CDYL2: variants seen among roughly 807,000 people sequenced by gnomAD.
CDYL2 encodes the protein chromodomain Y-like protein 2.
In CDYL2, 23 loss-of-function variants were observed where a neutral mutation model predicts 49.4. The observed-to-expected ratio is 0.47, with a 90% CI of 0.34 to 0.66. The LOEUF (loss-of-function observed/expected upper bound fraction) is 0.66. Ranked by LOEUF, CDYL2 falls within the 30% of genes least tolerant of loss-of-function variation. CDYL2 has a pLI of 0.01. For synonymous variants in CDYL2, 360 were observed against 268.8 expected, an observed-to-expected ratio of 1.34 and a Z score of -3.32; for missense variants, 678 against 656.4, an observed-to-expected ratio of 1.03 and a Z score of -0.36.
intron 3 of CDYL2, among the ~76,000 whole-genome samples, chr16:80,626,615 GC>G (rs1429004943): frequency 6.6e-6 from 1 of 152,222 alleles, no homozygotes; most frequent in Non-Finnish European, 1.5e-5. Flanking sequence ...TAAAACAAGA[GC>G]AGAAAGTACA....
rs1295110251 is a variant in CDYL2, at chr16:80,612,677, C to T, written c.1167G>A (p.Thr389=). Residue 389 remains threonine (T), a synonymous_variant, in exon 5 of 7, where the codon ACG becomes ACA. Coordinates refer to ENST00000570137, the MANE Select transcript of CDYL2 (RefSeq NM_152342.4). This position sits in a 1 kb window ranked among gnomAD's most constrained non-coding sequence, Gnocchi z 5.0. ...FQTPYATIRL[T]PAGCSSYTFP... Reference sequence around the variant, plus strand: ...AGGTGTAGGAGGAGCAGCCAGCAGGCGTGAGGCGGATGGTGGCGTAGGGCG... The same window carrying T: ...AGGTGTAGGAGGAGCAGCCAGCAGGTGTGAGGCGGATGGTGGCGTAGGGCG... The T allele has an allele frequency of 8.7e-6, 14 of 1,612,932 alleles. No individual in the cohort carries two copies. The highest frequency in any genetic ancestry group is 1.8e-4 in the Middle Eastern group (1 of 5,434).
chr16:80,681,331 C>T (rs769103153), intron 2 of CDYL2, among the ~76,000 whole-genome samples: 4 of 151,978 alleles, frequency 2.6e-5, no homozygotes, highest in African/African-American at 9.7e-5. Flanking sequence ...ATCCTTTAGT[C>T]CAGATAAGGG....
chr16:80,743,435 C>T (rs1166981549), intron 1 of CDYL2, among the ~76,000 whole-genome samples: 1 of 152,200 alleles, frequency 6.6e-6, no homozygotes, highest in African/African-American at 2.4e-5. Context: ...AAAAGCCCCA[C>T]AGCTGTCTGC....
At chr16:80,767,177 T>C (rs1274843265) in intron 1 of CDYL2, among the ~76,000 whole-genome samples, 1 of 152,094 alleles carries the variant, frequency 6.6e-6, no homozygotes, top group Non-Finnish European at 1.5e-5. Flanking sequence ...TACTAGAACT[T>C]TTCCCCAACT....
At chr16:80,727,639 G>A (rs1905207516) in intron 1 of CDYL2, among the ~76,000 whole-genome samples, 1 of 152,186 alleles carries the variant, frequency 6.6e-6, no homozygotes, top group Non-Finnish European at 1.5e-5. Context: ...TCCACCTCTG[G>A]GGGCAGGGCA....
At chr16:80,698,677 T>G (rs1904286574) in intron 1 of CDYL2, among the ~76,000 whole-genome samples, 1 of 152,106 alleles carries the variant, frequency 6.6e-6, no homozygotes, top group South Asian at 2.1e-4. Context: ...TTTCAAAGTA[T>G]GTAGCATCTC....
intron 1 of CDYL2, among the ~76,000 whole-genome samples, chr16:80,725,187 C>T (rs1404357933): frequency 6.6e-6 from 1 of 152,198 alleles, no homozygotes; most frequent in East Asian, 1.9e-4. Flanking sequence ...CATACACATA[C>T]ACATACACAT....
intron 5 of CDYL2, among the ~76,000 whole-genome samples, chr16:80,610,255 C>A (rs1274788208): frequency 6.6e-6 from 1 of 152,112 alleles, no homozygotes; most frequent in African/African-American, 2.4e-5. Context: ...CAAAGGAAGA[C>A]GAGGAAGAAA....
chr16:80,781,839 A>C (rs943374451), intron 1 of CDYL2, among the ~76,000 whole-genome samples: 1 of 152,156 alleles, frequency 6.6e-6, no homozygotes, highest in Non-Finnish European at 1.5e-5. Flanking sequence ...CTTAGGAAAT[A>C]TCTTGAGACA....
At chr16:80,693,306 G>A (rs776870463) in intron 1 of CDYL2, among the ~76,000 whole-genome samples, 1 of 151,998 alleles carries the variant, frequency 6.6e-6, no homozygotes, top group Non-Finnish European at 1.5e-5. Context: ...TTGTTTGGAA[G>A]ACACACACAA....
intron 2 of CDYL2, among the ~76,000 whole-genome samples, chr16:80,636,689 C>G (rs989594050): frequency 2.0e-5 from 3 of 152,168 alleles, no homozygotes; most frequent in African/African-American, 7.2e-5. Context: ...TTTAACCCAG[C>G]AATCCCATCC....
intron 6 of CDYL2, among the ~76,000 whole-genome samples, chr16:80,607,460 CCT>C (rs1266179053): frequency 2.0e-5 from 3 of 152,216 alleles, no homozygotes; most frequent in Non-Finnish European, 4.4e-5. Flanking sequence ...TCCCAAAATG[CCT>C]CTCTCAGCTC....
At chr16:80,727,854 G>T (rs922030550) in intron 1 of CDYL2, among the ~76,000 whole-genome samples, 1 of 152,066 alleles carries the variant, frequency 6.6e-6, no homozygotes, top group East Asian at 1.9e-4. Flanking sequence ...CACCTCACAC[G>T]GCCAGGTACT....
chr16:80,764,842 C>T (rs1906660343), intron 1 of CDYL2, among the ~76,000 whole-genome samples: 1 of 151,792 alleles, frequency 6.6e-6, no homozygotes, highest in African/African-American at 2.4e-5. Flanking sequence ...AGGTGGATCA[C>T]GAGGTCAGGA....
At chr16:80,760,184 C>T (rs1044239127) in intron 1 of CDYL2, among the ~76,000 whole-genome samples, 4 of 152,222 alleles carry the variant, frequency 2.6e-5, no homozygotes, top group East Asian at 3.9e-4. Flanking sequence ...ATCTATTGTG[C>T]GAGGCAAGGC....
chr16:80,781,272 T>C (rs1400146503), intron 1 of CDYL2, among the ~76,000 whole-genome samples: 1 of 152,180 alleles, frequency 6.6e-6, no homozygotes, highest in Admixed American at 6.5e-5. Flanking sequence ...AAGATTCCTA[T>C]AACCCAACCA....
chr16:80,745,080 C>T (rs934405046), intron 1 of CDYL2, among the ~76,000 whole-genome samples: 1 of 152,172 alleles, frequency 6.6e-6, no homozygotes, highest in African/African-American at 2.4e-5. Flanking sequence ...AGTGCATTCA[C>T]AACACTTTAA....
intron 1 of CDYL2, among the ~76,000 whole-genome samples, chr16:80,731,975 T>C (rs1158962400): frequency 1.3e-5 from 2 of 150,712 alleles, no homozygotes; most frequent in Non-Finnish European, 2.9e-5. Context: ...GTGACAGAGA[T>C]GCACTAGGCC....
chr16:80,709,594 A>T (rs1334907831), intron 1 of CDYL2, among the ~76,000 whole-genome samples: 1 of 150,422 alleles, frequency 6.6e-6, no homozygotes, highest in Non-Finnish European at 1.5e-5. Flanking sequence ...ACACACACAC[A>T]CTTCCTCAAA....
Sources: allele counts gnomAD v4.1 joint callset (sites outside exome capture counted in the v4.1 genomes callset), GRCh38; gene constraint gnomAD v4.1.1; non-coding constraint Gnocchi (gnomAD v3.1); transcripts MANE v1.5; gene names NCBI Gene and HGNC (gene_info 2026-07-23, HGNC 2026-07-21).